NEGR1: variants seen among roughly 807,000 people sequenced by gnomAD.
NEGR1 encodes the protein IgLON family member 4.
NEGR1 carries 10 observed loss-of-function variants against 40.9 expected under a neutral mutation model. The ratio of observed to expected loss-of-function variants is 0.24; its 90% CI spans 0.15 to 0.42. NEGR1 has a LOEUF of 0.42. Ranked by LOEUF, NEGR1 falls within the 10% of genes least tolerant of loss-of-function variation. The pLI is 1.00. For missense variants in NEGR1, 352 were observed against 438.9 expected, an observed-to-expected ratio of 0.80 and a Z score of 1.77; for synonymous variants, 185 against 166.8, an observed-to-expected ratio of 1.11 and a Z score of -0.84.
At chr1:72,038,517 G>A (rs1422579070) in intron 1 of NEGR1, among the ~76,000 whole-genome samples, 1 of 151,976 alleles carries the variant, frequency 6.6e-6, no homozygotes, top group Admixed American at 6.6e-5. Context: ...GCAAGCTCAA[G>A]CATATTATTT....
intron 1 of NEGR1, among the ~76,000 whole-genome samples, chr1:72,035,950 T>C (rs796257498): frequency 6.6e-6 from 1 of 152,320 alleles, no homozygotes; most frequent in African/African-American, 2.4e-5. Context: ...TCTCACTCGT[T>C]GTATTGTAAT....
chr1:71,840,096 G>C (rs1399136031), intron 2 of NEGR1, among the ~76,000 whole-genome samples: 2 of 152,040 alleles, frequency 1.3e-5, no homozygotes, highest in Non-Finnish European at 2.9e-5. Flanking sequence ...CTCTTTTTCT[G>C]TCAATATAAT....
At chr1:71,684,221 A>G (rs1460525883) in intron 4 of NEGR1, among the ~76,000 whole-genome samples, 1 of 152,144 alleles carries the variant, frequency 6.6e-6, no homozygotes, top group Non-Finnish European at 1.5e-5. Flanking sequence ...CAGTGAGCCC[A>G]GATCGCGCCA....
chr1:71,873,049 A>C (rs914184851), intron 2 of NEGR1, among the ~76,000 whole-genome samples: 1 of 147,342 alleles, frequency 6.8e-6, no homozygotes, highest in Non-Finnish European at 1.5e-5. Flanking sequence ...TTGCTCTACC[A>C]CTCAATTCCT....
intron 1 of NEGR1, among the ~76,000 whole-genome samples, chr1:72,151,648 A>C (rs561165110): frequency 3.4e-4 from 51 of 151,990 alleles, no homozygotes; most frequent in African/African-American, 1.1e-3. Context: ...AAGAGAAGTC[A>C]ACGGGAAATA....
chr1:71,547,050 T>G (rs985233611), intron 6 of NEGR1, among the ~76,000 whole-genome samples: 1 of 151,736 alleles, frequency 6.6e-6, no homozygotes, highest in Non-Finnish European at 1.5e-5. Context: ...TTGCTCTTAT[T>G]TTTAAAACAA....
At chr1:71,600,039 A>G (rs1346906636) in intron 5 of NEGR1, among the ~76,000 whole-genome samples, 1 of 152,200 alleles carries the variant, frequency 6.6e-6, no homozygotes, top group East Asian at 1.9e-4. Context: ...CTCAGAAACT[A>G]TATTCACAAA....
chr1:71,959,776 T>C (rs1276380302), intron 1 of NEGR1, among the ~76,000 whole-genome samples: 1 of 152,156 alleles, frequency 6.6e-6, no homozygotes, highest in Non-Finnish European at 1.5e-5. Flanking sequence ...AAGAAGCCTG[T>C]TAAATTTCCT....
intron 2 of NEGR1, among the ~76,000 whole-genome samples, chr1:71,798,607 G>T (rs569727666): frequency 1.1e-3 from 161 of 152,242 alleles, no homozygotes; most frequent in Middle Eastern, 6.8e-3. Flanking sequence ...GGCGACTAAG[G>T]CTAATTCATT....
intron 1 of NEGR1, chr1:72,274,759 A>C (rs568348234): frequency 8.2e-7 from 1 of 1,215,220 alleles, no homozygotes; most frequent in South Asian, 1.2e-5. Context: ...TGCTTGCTGT[A>C]AGCAGTTCAT....
At chr1:71,490,563 C>T (rs901334053) in intron 6 of NEGR1, among the ~76,000 whole-genome samples, 1 of 151,958 alleles carries the variant, frequency 6.6e-6, no homozygotes, top group African/African-American at 2.4e-5. Flanking sequence ...CTAAACCATT[C>T]TATGCGATGC....
intron 1 of NEGR1, among the ~76,000 whole-genome samples, chr1:71,956,399 T>C (rs985498440): frequency 2.0e-5 from 3 of 152,184 alleles, no homozygotes; most frequent in Non-Finnish European, 2.9e-5. Context: ...AGAACAATAA[T>C]GAAGTAGTAT....
chr1:72,150,147 C>T (rs1475306052), intron 1 of NEGR1, among the ~76,000 whole-genome samples: 1 of 152,038 alleles, frequency 6.6e-6, no homozygotes, highest in African/African-American at 2.4e-5. Context: ...AAAGATTTTG[C>T]AGACTTTCTC....
At chr1:72,251,733 G>A (rs1287299941) in intron 1 of NEGR1, among the ~76,000 whole-genome samples, 1 of 152,028 alleles carries the variant, frequency 6.6e-6, no homozygotes, top group African/African-American at 2.4e-5. Flanking sequence ...TGGATCCATG[G>A]TTGAATTTGC....
At chr1:72,063,408 G>C (rs188705891) in intron 1 of NEGR1, among the ~76,000 whole-genome samples, 12 of 151,992 alleles carry the variant, frequency 7.9e-5, no homozygotes, top group South Asian at 2.1e-4. Context: ...GTTATGTACG[G>C]CGTAATGGAA....
chr1:71,570,617 A>G (rs1007613821), intron 6 of NEGR1, among the ~76,000 whole-genome samples: 24 of 150,240 alleles, frequency 1.6e-4, no homozygotes, highest in Non-Finnish European at 3.0e-4. Context: ...CCTTAATAGT[A>G]CTTATAAACT....
At chr1:72,072,179 TTA>T (rs138807461) in intron 1 of NEGR1, among the ~76,000 whole-genome samples, 1 of 152,282 alleles carries the variant, frequency 6.6e-6, no homozygotes, top group Non-Finnish European at 1.5e-5. Context: ...TCTGAATTTA[TTA>T]TATCTTTTGT....
At chr1:71,755,284 C>G (rs1655694442) in intron 3 of NEGR1, among the ~76,000 whole-genome samples, 1 of 152,168 alleles carries the variant, frequency 6.6e-6, no homozygotes, top group South Asian at 2.1e-4. Flanking sequence ...CCTCCACTGT[C>G]ATTACCCTCA....
chr1:72,169,884 G>A (rs921718556), intron 1 of NEGR1, among the ~76,000 whole-genome samples: 5 of 152,094 alleles, frequency 3.3e-5, no homozygotes, highest in African/African-American at 9.7e-5. Context: ...ACACACTAAT[G>A]TTCTGTGGAA....
Sources: allele counts gnomAD v4.1 joint callset (sites outside exome capture counted in the v4.1 genomes callset), GRCh38; gene constraint gnomAD v4.1.1; transcripts MANE v1.5; gene names NCBI Gene and HGNC (gene_info 2026-07-23, HGNC 2026-07-21).